ATG13: variants seen among roughly 807,000 people sequenced by gnomAD.
ATG13 encodes autophagy related 13, also known as autophagy-related protein 13.
ATG13 carries 23 observed loss-of-function variants against 65.5 expected under a neutral mutation model. The ratio of observed to expected loss-of-function variants is 0.35; its 90% CI spans 0.25 to 0.50. The LOEUF is 0.50. Among genes scored for constraint, ATG13 ranks in the 20% least tolerant of loss-of-function variants. The probability of loss-of-function intolerance (pLI) is 0.98; values close to 1 mark genes in which losing one functional copy is unlikely to be tolerated. For synonymous variants in ATG13, 252 were observed against 245.2 expected (o/e 1.03, Z -0.26); for missense variants, 566 against 677.0 (o/e 0.84, Z 1.82).
chr11:46,639,163 T>G (rs2055028021), intron 2 of ATG13, among the ~76,000 whole-genome samples: 1 of 152,038 alleles, frequency 6.6e-6, no homozygotes, highest in African/African-American at 2.4e-5. Flanking sequence ...CTTTTTTGTA[T>G]TTTTAGTAGA....
intron 7 of ATG13, among the ~76,000 whole-genome samples, chr11:46,651,178 G>A (rs2058817728): frequency 6.6e-6 from 1 of 152,000 alleles, no homozygotes; most frequent in African/African-American, 2.4e-5. Flanking sequence ...AATGTAGTGA[G>A]GAAAACAATT....
intron 2 of ATG13, among the ~76,000 whole-genome samples, chr11:46,641,317 G>A (rs1348526928): frequency 2.6e-5 from 4 of 152,118 alleles, no homozygotes; most frequent in South Asian, 2.1e-4. Flanking sequence ...TGATCCACCC[G>A]CCTCGGCCTC....
chr11:46,633,046 A>C (rs2052531854), intron 2 of ATG13, among the ~76,000 whole-genome samples: 3 of 127,822 alleles, frequency 2.3e-5, no homozygotes, highest in Admixed American at 1.6e-4. Context: ...TTTTTTGGCA[A>C]CGGGGTCTTG....
intron 17 of ATG13, 102 bp downstream of exon 17, chr11:46,669,012 G>C (rs1017204049): frequency 2.0e-6 from 2 of 1,018,538 alleles, no homozygotes; most frequent in African/African-American, 3.2e-5. Context: ...GATCAGATGT[G>C]CTGGTGTAGA....
rs2058618816 is a variant in ATG13 at position 46,650,194 on chromosome 11, A to G, written c.335A>G (p.Lys112Arg). 1.2e-6 allele frequency: 2 copies of G among 1,613,906 alleles called. No homozygotes were observed. Among genetic ancestry groups the G allele is most frequent in the Non-Finnish European group, 1.7e-6 (2 of 1,179,832 alleles). ...CCTGGCAGGTGTGATAAAGAAATCA[A>G]AGTTTCCTACACGGTGTACAACAGA... ...EMNEKCDKEIKVSYTVYNRLS... is the reference protein window; with the variant it reads ...EMNEKCDKEIRVSYTVYNRLS... The change falls in exon 7 of 19, where the codon AAA becomes AGA. Residue 112 changes from lysine (K) to arginine (R), a missense_variant. Lys to Arg is a conservative substitution (Grantham distance 26). Transcript: ENST00000683050.
At chr11:46,657,402 T>C (rs2060258973) in intron 9 of ATG13, 122 bp from the exon 10 acceptor site, 5 of 1,047,472 alleles carry the variant, frequency 4.8e-6, no homozygotes, top group African/African-American at 1.6e-5. Context: ...TATTTAGGGA[T>C]TGTGATAGTT....
intron 5 of ATG13, among the ~76,000 whole-genome samples, chr11:46,646,756 C>T (rs986347637): frequency 1.3e-5 from 2 of 151,476 alleles, no homozygotes; most frequent in African/African-American, 2.4e-5. Flanking sequence ...TGAGCTACTG[C>T]GCCTGGCCTG....
chr11:46,618,336 G>C (rs1222433729), intron 1 of ATG13: 1 of 153,654 alleles, frequency 6.5e-6, no homozygotes, highest in African/African-American at 2.4e-5. Flanking sequence ...GGAACGACCT[G>C]TGGAAACCTG....
intron 1 of ATG13, among the ~76,000 whole-genome samples, chr11:46,623,169 C>T (rs891281288): frequency 7.9e-5 from 12 of 152,106 alleles, no homozygotes; most frequent in South Asian, 6.2e-4. Context: ...TGGCGGGCAC[C>T]TGGGGTCCCA....
chr11:46,626,358 C>G (rs1207440059), intron 1 of ATG13, among the ~76,000 whole-genome samples: 1 of 152,160 alleles, frequency 6.6e-6, no homozygotes, highest in Non-Finnish European at 1.5e-5. Flanking sequence ...TCAGATGATT[C>G]TCCTGCCTCA....
chr11:46,665,273 C>T lies in ATG13; in HGVS notation c.1000-110C>T, dbSNP rs986313478. On this transcript the variant is annotated intron_variant, in intron 13 of 18. Transcript: ENST00000683050. ...CCAGGGATTGCTGCCTACTTGGTGG[C>T]AGCGTTGGTGATGGAAAAGTCAAAA... 2.9e-6 allele frequency: 4 copies of T among 1,358,110 alleles called. No individual in the cohort carries two copies. The African/African-American group carries it at 5.8e-5, about 20-fold the overall frequency. 84.1% of individuals were successfully genotyped at this position (1,358,110 alleles called of 1,614,324 possible). A position where few individuals can be genotyped will look rare whatever the true frequency, so the allele number is the denominator to read the frequency against.
rs1592264540 is a variant in ATG13 at position 46,668,531 on chromosome 11, C to T, written c.1284C>T (p.Ala428=). Residue 428 remains alanine (A), a synonymous_variant, in exon 16 of 19, where the codon GCC becomes GCT. Transcript: ENST00000683050. Reference sequence around the variant, plus strand: ...TGACGAGTTTGGATATACCCTTTGCCATGTTTGCTCCCAAGAATTTGGAGC... The same window carrying T: ...TGACGAGTTTGGATATACCCTTTGCTATGTTTGCTCCCAAGAATTTGGAGC... The part of the protein sequence containing the change: ...VTLTSLDIPF[A]MFAPKNLELE... 1 of 1,614,214 alleles carries T rather than the reference C, an allele frequency of 6.2e-7. No individual in the cohort carries two copies. Among genetic ancestry groups the T allele is most frequent in the East Asian group, 2.2e-5 (1 of 44,880 alleles).
chr11:46,659,280 G>T, intron 10 of ATG13, 112 bp from the exon 11 acceptor site: 2 of 799,178 alleles, frequency 2.5e-6, no homozygotes, highest in South Asian at 3.3e-5. Flanking sequence ...AGTACGAACT[G>T]TGTGAAACCG....
At chr11:46,642,273 T>C (rs2056276083) in intron 2 of ATG13, among the ~76,000 whole-genome samples, 1 of 150,746 alleles carries the variant, frequency 6.6e-6, no homozygotes, top group Non-Finnish European at 1.5e-5. Context: ...TTAAATCTTA[T>C]CAGCTCTTCC....
intron 5 of ATG13, 61 bp downstream of exon 5, chr11:46,646,050 C>T: frequency 6.3e-7 from 1 of 1,598,072 alleles, no homozygotes; most frequent in Non-Finnish European, 8.6e-7. Context: ...CACTCTGAGT[C>T]CAGTTCATTT....
chr11:46,672,498 AC>A lies in ATG13; in HGVS notation c.*167del. The A allele has an allele frequency of 6.7e-7, 1 of 1,487,378 alleles. No homozygotes were observed. Among genetic ancestry groups the A allele is most frequent in the Non-Finnish European group, 8.9e-7 (1 of 1,120,210 alleles). 92.1% of individuals were successfully genotyped at this position (1,487,378 alleles called of 1,614,324 possible). On this transcript the variant is annotated 3_prime_UTR_variant, in exon 19 of 19. Coordinates refer to ENST00000683050, the MANE Select transcript of ATG13 (RefSeq NM_001346311.2). ...GTCCCTACTCTTGGACCTCCTGGAGACTCCGTGGCGGCAGTCAAGCCCAGTG... is the reference window on the plus strand; with the variant it reads ...GTCCCTACTCTTGGACCTCCTGGAGATCCGTGGCGGCAGTCAAGCCCAGTG...
intron 1 of ATG13, among the ~76,000 whole-genome samples, chr11:46,627,480 C>T (rs953616729): frequency 1.2e-4 from 18 of 151,662 alleles, no homozygotes; most frequent in African/African-American, 7.3e-5. Flanking sequence ...AGTTTAAAAG[C>T]TTTTTTTGAG....
chr11:46,662,919 G>A (rs1565594601), intron 11 of ATG13, among the ~76,000 whole-genome samples: 1 of 152,098 alleles, frequency 6.6e-6, no homozygotes, highest in African/African-American at 2.4e-5. Context: ...CTACTGTGTG[G>A]CCTAAGGTCC....
At chr11:46,622,116 TATATA>T (rs1565398644) in intron 1 of ATG13, among the ~76,000 whole-genome samples, 18 of 92,428 alleles carry the variant, frequency 1.9e-4, no homozygotes, top group African/African-American at 7.2e-4. Context: ...TATATATATA[TATATA>T]TATATATTTA....
Sources: gnomAD v4.1 joint callset for allele counts (sites outside exome capture counted in the v4.1 genomes callset) on GRCh38, gnomAD v4.1.1 for gene constraint, MANE v1.5 for transcripts, NCBI Gene and HGNC (gene_info 2026-07-23, HGNC 2026-07-21) for gene names.